The following MYH3 variants were observed in gnomAD, a reference collection of about 807,000 sequenced individuals.
The protein encoded by MYH3 is myosin-3.
A neutral mutation model predicts 238.0 loss-of-function variants in MYH3; 130 were observed. That is an observed-to-expected ratio of 0.55 (90% CI 0.47 to 0.63). MYH3 has a LOEUF of 0.63. Ranked by LOEUF, MYH3 falls within the 30% of genes least tolerant of loss-of-function variation. The pLI, the probability that MYH3 is intolerant of heterozygous loss-of-function variation, is 0.00. For synonymous variants in MYH3, 880 were observed against 924.1 expected, an observed-to-expected ratio of 0.95 and a Z score of 0.86; for missense variants, 1,853 against 2,374.9, an observed-to-expected ratio of 0.78 and a Z score of 4.57.
Position 10,649,605 on chromosome 17 carries a change from A to G in MYH3, c.614T>C (p.Leu205Pro), listed in dbSNP as rs2074356148. Residue 205 changes from leucine to proline, a missense_variant, in exon 7 of 41, where the codon CTG becomes CCG. By Grantham distance (98) the Leu-to-Pro change is moderately conservative. This residue lies in a region of MYH3 where 678 missense variants were observed against 1,058.9 expected (regional missense o/e 0.64). Coordinates refer to ENST00000583535, the MANE Select transcript of MYH3 (RefSeq NM_002470.4). ...CATTTTGGAGTCCTTCTTCTTGGCC[A>G]GGTCCCCAGTAGCTGCAATTGTTGC... Reference protein sequence around the residue: ...YFATIAATGDLAKKKDSKMKG... With the variant: ...YFATIAATGDPAKKKDSKMKG... 1 of 1,614,220 alleles carries G rather than the reference A, an allele frequency of 6.2e-7. No individual in the cohort carries two copies. Among genetic ancestry groups the G allele is most frequent in the Non-Finnish European group, 8.5e-7 (1 of 1,180,014 alleles).
At chr17:10,639,952 A>G (rs762972464) in intron 22 of MYH3, 44 bp downstream of exon 22, 7 of 1,587,538 alleles carry the variant, frequency 4.4e-6, no homozygotes, top group Non-Finnish European at 6.0e-6. Context: ...AAATAATCAA[A>G]TCTAGAAGAG....
At chr17:10,663,345 A>C in the MYH3 span, among the ~76,000 whole-genome samples, 1 of 152,166 alleles carries the variant, frequency 6.6e-6, no homozygotes, top group Non-Finnish European at 1.5e-5. Context: ...TGTTCGAATG[A>C]GGGAGAAAGA....
chr17:10,645,615 GC>G, intron 12 of MYH3, 91 bp downstream of exon 12: 2 of 1,506,514 alleles, frequency 1.3e-6, no homozygotes, highest in South Asian at 2.2e-5. Context: ...GAGCCACTGT[GC>G]CTGGCTGGAT....
chr17:10,630,878 A>T (rs930430026), intron 36 of MYH3, among the ~76,000 whole-genome samples: 1 of 152,126 alleles, frequency 6.6e-6, no homozygotes, highest in African/African-American at 2.4e-5. Flanking sequence ...AGAAAGAAAG[A>T]AAAAGGACAA....
upstream of MYH3, among the ~76,000 whole-genome samples, chr17:10,658,033 C>A (rs956421889): frequency 6.6e-6 from 1 of 152,062 alleles, no homozygotes; most frequent in Non-Finnish European, 1.5e-5. Context: ...GTATTCCCGG[C>A]GACAGCTGCC....
At chr17:10,634,272 AG>A in intron 31 of MYH3, 90 bp from the exon 32 acceptor site, 1 of 1,488,758 alleles carries the variant, frequency 6.7e-7, no homozygotes. Flanking sequence ...ATGCAGAGTT[AG>A]GGCTACACTT....
At chr17:10,671,401 C>T in the MYH3 span, among the ~76,000 whole-genome samples, 5 of 152,248 alleles carry the variant, frequency 3.3e-5, no homozygotes, top group Non-Finnish European at 5.9e-5. Context: ...CACATTCCAT[C>T]GCTTTCCATG....
In MYH3 at chr17:10,655,455, A is replaced by G. The variant is rs540434300; in HGVS notation, c.-8-383T>C. On this transcript the variant is annotated intron_variant, in intron 2 of 40. Transcript: ENST00000583535. ...GTTTAAAAATAAACACCCTTAAAAAATAAACGCCATCTTCAAAGAGAGTGT... is the reference window on the plus strand; with the variant it reads ...GTTTAAAAATAAACACCCTTAAAAAGTAAACGCCATCTTCAAAGAGAGTGT... Among the ~76,000 whole-genome samples, 3 of 152,372 alleles carry G rather than the reference A, an allele frequency of 2.0e-5. No homozygotes were observed. In the South Asian group the frequency reaches 6.2e-4, roughly 32 times the overall value.
intron 28 of MYH3, 39 bp from the exon 29 acceptor site, chr17:10,635,892 CTCAT>C (rs2074211053): frequency 6.5e-7 from 1 of 1,529,930 alleles, no homozygotes; most frequent in African/African-American, 1.4e-5. Flanking sequence ...CATTTATTCA[CTCAT>C]TCACTCACCA....
upstream of MYH3, among the ~76,000 whole-genome samples, chr17:10,659,416 A>C (rs116425993): frequency 3.5e-3 from 536 of 152,314 alleles, 4 homozygotes; most frequent in African/African-American, 0.012. Context: ...AGAAAACGTC[A>C]CAGACTCCTA....
At chr17:10,643,728 G>C (rs563929886) in intron 14 of MYH3, among the ~76,000 whole-genome samples, 3 of 152,226 alleles carry the variant, frequency 2.0e-5, no homozygotes, top group Non-Finnish European at 4.4e-5. Context: ...AAAATAGTGC[G>C]TGATTAACTT....
the MYH3 span, among the ~76,000 whole-genome samples, chr17:10,670,644 G>A: frequency 1.3e-5 from 2 of 152,100 alleles, no homozygotes; most frequent in Admixed American, 6.6e-5. The surrounding 1 kb of genome is among the most constrained non-coding windows in gnomAD (Gnocchi z 7.0). Flanking sequence ...GTTAATATAT[G>A]TTCATTTAGG....
In MYH3 at chr17:10,631,779, G is replaced by A. The variant is rs149608873; in HGVS notation, c.5160+34C>T. The A allele has an allele frequency of 7.7e-4, 1,242 of 1,614,094 alleles. 10 individuals are homozygous for A. In the African/African-American group the frequency reaches 0.01, roughly 13 times the overall value. ...CTGTTAACCAGGTGCGTATGAGGCT[G>A]GAACCTCGCCTCTCTTCCTCTCCCT... is the stretch of plus-strand genomic sequence containing the variant. On this transcript the variant is annotated intron_variant, in intron 35 of 40. Transcript: ENST00000583535.
intron 17 of MYH3, 138 bp from the exon 18 acceptor site, chr17:10,641,510 T>A: frequency 7.9e-5 from 2 of 25,462 alleles, no homozygotes; most frequent in East Asian, 2.6e-4. Flanking sequence ...AACTCTGTCT[T>A]TTTTTTTTTT....
Position 10,654,181 on chromosome 17 carries a change from T to G in MYH3, c.204+680A>C, listed in dbSNP as rs896914429. Among the ~76,000 whole-genome samples, 15 of 150,152 alleles carry G rather than the reference T, an allele frequency of 1.0e-4. No individual in the cohort carries two copies. Among genetic ancestry groups the G allele is most frequent in the Non-Finnish European group, 1.8e-4 (12 of 67,880 alleles). The stretch of plus-strand genomic sequence containing the variant: ...TCTTTCTTTCCTTCCTTCCTTGCTT[T>G]CTTTCTTCCTTCTTTCTTTCCTTCC... On this transcript the variant is annotated intron_variant, in intron 3 of 40. Coordinates refer to ENST00000583535, the MANE Select transcript of MYH3 (RefSeq NM_002470.4). The surrounding 1 kb of genome is among the most constrained non-coding windows in gnomAD (Gnocchi z 4.5).
At chr17:10,659,539 G>T (rs1378505981), upstream of MYH3, among the ~76,000 whole-genome samples, 2 of 152,098 alleles carry the variant, frequency 1.3e-5, no homozygotes, top group Non-Finnish European at 2.9e-5. Flanking sequence ...TATGTGTCAG[G>T]CACAGAACCC....
chr17:10,666,581 A>C, the MYH3 span, among the ~76,000 whole-genome samples: 1 of 148,922 alleles, frequency 6.7e-6, no homozygotes, highest in African/African-American at 2.5e-5. Flanking sequence ...GTCTCTACAA[A>C]AAAAAAAAAA....
the MYH3 span, chr17:10,672,991 A>G: frequency 7.1e-6 from 1 of 141,058 alleles, no homozygotes; most frequent in East Asian, 2.1e-4. Flanking sequence ...AAGCTGCCCT[A>G]ATTTTTCTTT....
the MYH3 span, among the ~76,000 whole-genome samples, chr17:10,668,221 C>G: frequency 1.3e-5 from 2 of 152,202 alleles, no homozygotes; most frequent in African/African-American, 4.8e-5. Flanking sequence ...ATGGCGAAAT[C>G]CCATCTCTAC....
Sources: allele counts gnomAD v4.1 joint callset (sites outside exome capture counted in the v4.1 genomes callset), GRCh38; gene constraint gnomAD v4.1.1; regional missense constraint gnomAD v4.1.1; non-coding constraint Gnocchi (gnomAD v3.1); transcripts MANE v1.5; gene names NCBI Gene and HGNC (gene_info 2026-07-23, HGNC 2026-07-21).